BICD2: variants seen among roughly 807,000 people sequenced by gnomAD.
BICD2 encodes the protein BICD cargo adaptor 2, also known as protein bicaudal D homolog 2.
A neutral mutation model predicts 72.9 loss-of-function variants in BICD2; 25 were observed. The observed-to-expected ratio is 0.34, with a 90% CI of 0.25 to 0.48. The LOEUF (loss-of-function observed/expected upper bound fraction) is 0.48. Among genes scored for constraint, BICD2 ranks in the 20% least tolerant of loss-of-function variants. The pLI is 0.99. For missense variants in BICD2, 894 were observed against 1,175.2 expected, an observed-to-expected ratio of 0.76 and a Z score of 3.50; for synonymous variants, 501 against 516.1, an observed-to-expected ratio of 0.97 and a Z score of 0.40.
intron 1 of BICD2, among the ~76,000 whole-genome samples, chr9:92,745,947 G>A (rs1331626309): frequency 1.3e-5 from 2 of 152,186 alleles, no homozygotes; most frequent in Non-Finnish European, 2.9e-5. Flanking sequence ...CCAGGTGCAT[G>A]AACATCTGGG....
At chr9:92,737,760 A>G (rs1479002840) in intron 1 of BICD2, among the ~76,000 whole-genome samples, 1 of 152,214 alleles carries the variant, frequency 6.6e-6, no homozygotes, top group Non-Finnish European at 1.5e-5. Flanking sequence ...GTGAAAGTAA[A>G]ACTATACATA....
chr9:92,741,089 T>C (rs971915753), intron 1 of BICD2, among the ~76,000 whole-genome samples: 9 of 152,210 alleles, frequency 5.9e-5, no homozygotes, highest in Non-Finnish European at 1.2e-4. Context: ...TGAACACTCC[T>C]GTTCAGTTTG....
At chr9:92,742,704 C>G (rs997625915) in intron 1 of BICD2, among the ~76,000 whole-genome samples, 2 of 151,970 alleles carry the variant, frequency 1.3e-5, no homozygotes, top group Admixed American at 6.6e-5. Flanking sequence ...TTCTATCACC[C>G]CCCCCAAAGA....
intron 2 of BICD2, among the ~76,000 whole-genome samples, chr9:92,728,680 A>T (rs1853616870): frequency 6.6e-6 from 1 of 152,226 alleles, no homozygotes; most frequent in Non-Finnish European, 1.5e-5. Context: ...AATGACGAGG[A>T]GTGCCCCATG....
intron 1 of BICD2, among the ~76,000 whole-genome samples, chr9:92,745,778 C>T (rs1853999489): frequency 6.6e-6 from 1 of 152,170 alleles, no homozygotes; most frequent in African/African-American, 2.4e-5. Flanking sequence ...ATAAACGTTT[C>T]CCCAAGAGGG....
chr9:92,725,576 G>C (rs1041746457), intron 2 of BICD2, among the ~76,000 whole-genome samples: 1 of 152,228 alleles, frequency 6.6e-6, no homozygotes, highest in African/African-American at 2.4e-5. Flanking sequence ...AAGTACAGGG[G>C]ACAAGCTCTG....
chr9:92,723,594 T>C (rs1853507629), intron 2 of BICD2, among the ~76,000 whole-genome samples: 1 of 152,206 alleles, frequency 6.6e-6, no homozygotes, highest in Non-Finnish European at 1.5e-5. Context: ...GGGTTTTCTT[T>C]TTGGAGCAAT....
chr9:92,722,012 T>G (rs12236636), intron 3 of BICD2, among the ~76,000 whole-genome samples: 9,099 of 152,260 alleles, frequency 0.06, 892 homozygotes, highest in East Asian at 0.42. Flanking sequence ...TCCATGGCAT[T>G]CTGGGGAAAG....
intron 4 of BICD2, 24 bp from the exon 5 acceptor site, chr9:92,719,606 C>T (rs1853416961): frequency 1.3e-6 from 2 of 1,567,436 alleles, no homozygotes; most frequent in South Asian, 1.2e-5. Context: ...GGCAGCAGGA[C>T]ACCATGTCAG....
At chr9:92,731,578 G>A (rs1255798128) in intron 1 of BICD2, among the ~76,000 whole-genome samples, 1 of 152,132 alleles carries the variant, frequency 6.6e-6, no homozygotes, top group African/African-American at 2.4e-5. Context: ...AGAGACAGGA[G>A]GAGGGGAGTT....
chr9:92,760,015 C>T (rs1190827639), intron 1 of BICD2, among the ~76,000 whole-genome samples: 1 of 152,192 alleles, frequency 6.6e-6, no homozygotes, highest in Non-Finnish European at 1.5e-5. Flanking sequence ...TGGGGGCTCA[C>T]AGAGCACTGG....
chr9:92,741,475 A>T (rs1853896157), intron 1 of BICD2, among the ~76,000 whole-genome samples: 1 of 152,236 alleles, frequency 6.6e-6, no homozygotes, highest in South Asian at 2.1e-4. Context: ...CCACAAACTA[A>T]TATTTTTAAA....
intron 1 of BICD2, among the ~76,000 whole-genome samples, chr9:92,747,590 C>A (rs978475587): frequency 4.6e-5 from 7 of 152,194 alleles, no homozygotes; most frequent in Non-Finnish European, 8.8e-5. Context: ...TCCCTCCAGC[C>A]TAACATTACC....
chr9:92,735,856 G>A (rs1440391375), intron 1 of BICD2, among the ~76,000 whole-genome samples: 2 of 152,200 alleles, frequency 1.3e-5, no homozygotes, highest in Admixed American at 1.3e-4. Context: ...GTCCCATGGG[G>A]ACAAGAGGCT....
chr9:92,713,885 A>C lies in BICD2; in HGVS notation c.*1269T>G. ...GGGCAACACGGTCTCTCACCAGGTAACTCGAATGCCTCTTCCGCATGAGAG... is the reference window on the plus strand; with the variant it reads ...GGGCAACACGGTCTCTCACCAGGTACCTCGAATGCCTCTTCCGCATGAGAG... On this transcript the variant is annotated 3_prime_UTR_variant, in exon 7 of 7. Coordinates refer to ENST00000356884, the MANE Select transcript of BICD2 (RefSeq NM_001003800.2). 9.9e-7 allele frequency: 1 copy of C among 1,006,750 alleles called. No individual in the cohort carries two copies. Among genetic ancestry groups the C allele is most frequent in the Non-Finnish European group, 1.2e-6 (1 of 842,666 alleles). 62.4% of individuals were successfully genotyped at this position (1,006,750 alleles called of 1,614,324 possible).
intron 1 of BICD2, among the ~76,000 whole-genome samples, chr9:92,752,583 CATA>C (rs796197882): frequency 5.9e-5 from 9 of 152,184 alleles, no homozygotes; most frequent in African/African-American, 2.2e-4. Flanking sequence ...GCCTGGGCAA[CATA>C]ATGAGACCAT....
intron 1 of BICD2, among the ~76,000 whole-genome samples, chr9:92,746,528 T>A (rs1854017577): frequency 8.4e-6 from 1 of 118,976 alleles, no homozygotes; most frequent in Non-Finnish European, 1.7e-5. Context: ...TGAGACTCCG[T>A]CTCCAAAAAA....
intron 5 of BICD2, 131 bp from the exon 6 acceptor site, chr9:92,718,079 TC>T: frequency 8.7e-7 from 1 of 1,146,264 alleles, no homozygotes; most frequent in Non-Finnish European, 1.2e-6. Flanking sequence ...GGGAGGCCCC[TC>T]CCTGTGACAA....
chr9:92,762,068 T>C (rs1439644922), intron 1 of BICD2, among the ~76,000 whole-genome samples: 4 of 152,150 alleles, frequency 2.6e-5, no homozygotes, highest in African/African-American at 4.8e-5. Context: ...GATCCTATTA[T>C]CTACAAATGC....
Sources: gnomAD v4.1 joint callset for allele counts (sites outside exome capture counted in the v4.1 genomes callset) on GRCh38, gnomAD v4.1.1 for gene constraint, MANE v1.5 for transcripts, NCBI Gene and HGNC (gene_info 2026-07-23, HGNC 2026-07-21) for gene names.